Variants in RAD23B observed in about 807,000 individuals in gnomAD.
RAD23B encodes RAD23 nucleotide excision repair protein B.
In RAD23B, 5 loss-of-function variants were observed where a neutral mutation model predicts 49.1. That is an observed-to-expected ratio of 0.10 (90% confidence interval 0.05 to 0.21). The LOEUF is 0.21. Among genes scored for constraint, RAD23B ranks in the 10% least tolerant of loss-of-function variants. The probability of loss-of-function intolerance (pLI) is 1.00; values close to 1 mark genes in which losing one functional copy is unlikely to be tolerated. For missense variants in RAD23B, 356 were observed against 486.7 expected, an observed-to-expected ratio of 0.73 and a Z score of 2.53; for synonymous variants, 184 against 165.4, an observed-to-expected ratio of 1.11 and a Z score of -0.86.
At chr9:107,315,941 A>G (rs1419950366) in intron 5 of RAD23B, among the ~76,000 whole-genome samples, 2 of 152,154 alleles carry the variant, frequency 1.3e-5, no homozygotes, top group Admixed American at 6.5e-5. Context: ...GTCATAGTGT[A>G]ATGATTAGGT....
At chr9:107,329,516 T>G in intron 9 of RAD23B, 27 bp from the exon 10 acceptor site, 5 of 1,379,516 alleles carry the variant, frequency 3.6e-6, no homozygotes, top group Non-Finnish European at 5.1e-6. Context: ...GTGTGTTGGA[T>G]TTATATTTTT....
intron 1 of RAD23B, chr9:107,284,841 G>A: frequency 2.4e-6 from 3 of 1,236,306 alleles, no homozygotes; most frequent in Non-Finnish European, 3.2e-6. Context: ...ATGACCTTGG[G>A]CAAATTACGG....
intron 7 of RAD23B, among the ~76,000 whole-genome samples, chr9:107,322,362 T>G (rs1827127805): frequency 6.6e-6 from 1 of 152,252 alleles, no homozygotes; most frequent in Non-Finnish European, 1.5e-5. Context: ...CTGTTTTATT[T>G]GTTTTAAGGA....
intron 1 of RAD23B, among the ~76,000 whole-genome samples, chr9:107,292,595 G>A (rs373524100): frequency 1.4e-5 from 2 of 146,700 alleles, no homozygotes; most frequent in South Asian, 2.1e-4. Flanking sequence ...CAGGAGAATC[G>A]CTTGAACTCG....
chr9:107,285,007 A>G, intron 1 of RAD23B: 1 of 1,234,050 alleles, frequency 8.1e-7, no homozygotes, highest in Non-Finnish European at 1.1e-6. Context: ...TACTTATCTC[A>G]TTTAATCTTA....
intron 5 of RAD23B, 95 bp downstream of exon 5, chr9:107,311,832 G>T: frequency 1.1e-6 from 1 of 923,044 alleles, no homozygotes; most frequent in East Asian, 2.9e-5. Context: ...TAATTTGCAT[G>T]GTTGTTTATA....
At chr9:107,283,945 C>T (rs11573614) in intron 1 of RAD23B, 74,151 of 1,108,406 alleles carry the variant, frequency 0.067, 2,882 homozygotes, top group South Asian at 0.11. Context: ...GCGTGGAGCG[C>T]ACGCCCGCGG....
intron 2 of RAD23B, among the ~76,000 whole-genome samples, chr9:107,300,853 G>A (rs1826635560): frequency 6.6e-6 from 1 of 152,102 alleles, no homozygotes; most frequent in African/African-American, 2.4e-5. Flanking sequence ...GATCACCCAT[G>A]GATTCTTCTC....
At chr9:107,299,200 A>G (rs1826598524) in intron 1 of RAD23B, among the ~76,000 whole-genome samples, 1 of 152,216 alleles carries the variant, frequency 6.6e-6, no homozygotes, top group Non-Finnish European at 1.5e-5. Context: ...TAATTGTACA[A>G]AAGAAACCTT....
At chr9:107,306,062 T>TAGATGTATATAG (rs1272904929) in intron 3 of RAD23B, among the ~76,000 whole-genome samples, 1 of 138,752 alleles carries the variant, frequency 7.2e-6, no homozygotes, top group Non-Finnish European at 1.5e-5. Flanking sequence ...TATATATATA[T>TAGATGTATATAG]ATATATATAT....
chr9:107,307,201 T>G (rs1826797203), intron 4 of RAD23B, among the ~76,000 whole-genome samples: 1 of 152,232 alleles, frequency 6.6e-6, no homozygotes, highest in Non-Finnish European at 1.5e-5. Context: ...TTCAGGCTTC[T>G]GCCTGTGTGG....
chr9:107,305,036 C>T (rs969246851), intron 3 of RAD23B, among the ~76,000 whole-genome samples: 4 of 152,044 alleles, frequency 2.6e-5, no homozygotes, highest in African/African-American at 9.7e-5. Flanking sequence ...TGCCTGTAAT[C>T]CCATCGCCTT....
At chr9:107,328,867 TTAATA>T (rs1347755040) in intron 9 of RAD23B, among the ~76,000 whole-genome samples, 1 of 152,224 alleles carries the variant, frequency 6.6e-6, no homozygotes, top group Non-Finnish European at 1.5e-5. Flanking sequence ...CAAGTGATTT[TTAATA>T]TAATAGACTA....
intron 1 of RAD23B, among the ~76,000 whole-genome samples, chr9:107,290,883 C>T (rs753337871): frequency 2.6e-5 from 4 of 152,094 alleles, no homozygotes; most frequent in Non-Finnish European, 5.9e-5. Context: ...CGATAGATGC[C>T]GTATAGGATT....
chr9:107,288,534 C>T (rs1169760374), intron 1 of RAD23B, among the ~76,000 whole-genome samples: 1 of 152,186 alleles, frequency 6.6e-6, no homozygotes, highest in Non-Finnish European at 1.5e-5. Flanking sequence ...CAGCCTTCGC[C>T]TCTGGGGCTC....
intron 2 of RAD23B, among the ~76,000 whole-genome samples, chr9:107,301,331 C>T (rs1474982562): frequency 6.6e-6 from 1 of 152,130 alleles, no homozygotes; most frequent in East Asian, 1.9e-4. Context: ...TTCTTCATAT[C>T]ATAAAAGAAT....
At chr9:107,305,125 CAA>C (rs752123015) in intron 3 of RAD23B, among the ~76,000 whole-genome samples, 2 of 136,490 alleles carry the variant, frequency 1.5e-5, no homozygotes, top group Non-Finnish European at 1.6e-5. Context: ...CTTGTCTCTA[CAA>C]AAAAAAAAAA....
intron 4 of RAD23B, among the ~76,000 whole-genome samples, chr9:107,307,358 G>T (rs536360582): frequency 3.9e-5 from 6 of 152,358 alleles, no homozygotes; most frequent in African/African-American, 1.4e-4. Context: ...CAAGACTTTT[G>T]TTTTTCTCCC....
intron 1 of RAD23B, among the ~76,000 whole-genome samples, chr9:107,297,561 G>A (rs1351178453): frequency 2.6e-5 from 4 of 152,094 alleles, no homozygotes; most frequent in Admixed American, 2.6e-4. Context: ...GGCTGGTCTC[G>A]AATCCAACCT....
Sources: gnomAD v4.1 joint callset for allele counts (sites outside exome capture counted in the v4.1 genomes callset) on GRCh38, gnomAD v4.1.1 for gene constraint, MANE v1.5 for transcripts, NCBI Gene and HGNC (gene_info 2026-07-23, HGNC 2026-07-21) for gene names.